The following MYZAP variants were observed in gnomAD, a reference collection of about 807,000 sequenced individuals.
MYZAP encodes the protein myocardial zonula adherens protein.
A neutral mutation model predicts 69.4 loss-of-function variants in MYZAP; 66 were observed. The observed-to-expected ratio is 0.95, with a 90% CI of 0.78 to 1.17. The LOEUF (loss-of-function observed/expected upper bound fraction) is 1.17, where lower values mean the gene tolerates loss of function less well. Ranked by LOEUF, MYZAP falls within the 50% of genes most tolerant of loss-of-function variation. The probability of loss-of-function intolerance (pLI) is 0.00; values close to 1 mark genes in which losing one functional copy is unlikely to be tolerated. For synonymous variants in MYZAP, 256 were observed against 205.9 expected, an observed-to-expected ratio of 1.24 and a Z score of -2.09; for missense variants, 611 against 556.2, an observed-to-expected ratio of 1.10 and a Z score of -0.99.
At chr15:57,628,724 G>A (rs2036306945) in intron 5 of MYZAP, among the ~76,000 whole-genome samples, 2 of 152,154 alleles carry the variant, frequency 1.3e-5, no homozygotes, top group South Asian at 4.2e-4. Flanking sequence ...AGGTATGTGA[G>A]TATTCTCAGT....
In MYZAP at chr15:57,633,523, C is replaced by T. The variant is rs769965937; in HGVS notation, c.805-90C>T. On this transcript the variant is annotated intron_variant, in intron 7 of 12. Transcript: ENST00000267853. ...CCAAGGTCATGTTTTAAAGAGAAAT[C>T]GTGATCTAGCAAGGCCTGAGCTGAT... is the stretch of plus-strand genomic sequence containing the variant. The T allele has an allele frequency of 6.1e-5, 85 of 1,402,270 alleles. No individual in the cohort carries two copies. The Admixed American group carries it at 9.0e-4, about 15-fold the overall frequency. 86.9% of individuals were successfully genotyped at this position (1,402,270 alleles called of 1,614,324 possible).
intron 3 of MYZAP, among the ~76,000 whole-genome samples, chr15:57,621,212 T>G (rs569540068): frequency 1.8e-4 from 27 of 146,718 alleles, no homozygotes; most frequent in African/African-American, 6.2e-4. Flanking sequence ...TTTCTTTTTT[T>G]TTTTTTTTTG....
chr15:57,615,205 A>G (rs1270016361), intron 2 of MYZAP, among the ~76,000 whole-genome samples: 1 of 152,272 alleles, frequency 6.6e-6, no homozygotes, highest in Non-Finnish European at 1.5e-5. Context: ...CATAAAGGAA[A>G]AAGTGAAATC....
chr15:57,614,039 T>C (rs2451188), intron 2 of MYZAP, among the ~76,000 whole-genome samples: 10,730 of 152,300 alleles, frequency 0.07, 1,034 homozygotes, highest in African/African-American at 0.22. Flanking sequence ...AGCATACTGA[T>C]ATTTTATAAA....
intron 10 of MYZAP, among the ~76,000 whole-genome samples, chr15:57,640,725 T>TA (rs781375321): frequency 1.3e-5 from 2 of 152,168 alleles, no homozygotes; most frequent in East Asian, 3.9e-4. Context: ...ACACATTAGA[T>TA]AAAAGTTTGT....
chr15:57,644,750 G>A (rs900120944), intron 10 of MYZAP, among the ~76,000 whole-genome samples: 2 of 152,194 alleles, frequency 1.3e-5, no homozygotes, highest in African/African-American at 4.8e-5. Flanking sequence ...ACAGGCGTGA[G>A]CCACTACACC....
Position 57,592,000 on chromosome 15 carries a change from C to T in MYZAP, c.-35C>T. On this transcript the variant is annotated 5_prime_UTR_variant, in exon 1 of 13. Coordinates refer to ENST00000267853, the MANE Select transcript of MYZAP (RefSeq NM_001018100.5). ...ACGCTTATTCTGCCCGGGAGGAACG[C>T]CGGCGTCCAGCCCGCTACCGACCGC... 2 of 1,416,808 alleles carry T rather than the reference C, an allele frequency of 1.4e-6. No homozygotes were observed. Among genetic ancestry groups the T allele is most frequent in the Non-Finnish European group, 1.8e-6 (2 of 1,088,276 alleles). 87.8% of individuals were successfully genotyped at this position (1,416,808 alleles called of 1,614,324 possible).
At chr15:57,635,095 T>C (rs1451504365) in intron 8 of MYZAP, among the ~76,000 whole-genome samples, 1 of 152,160 alleles carries the variant, frequency 6.6e-6, no homozygotes, top group Non-Finnish European at 1.5e-5. Context: ...CCACAGGTAG[T>C]GGTCATGAAC....
intron 2 of MYZAP, among the ~76,000 whole-genome samples, chr15:57,609,111 G>A (rs935547): frequency 0.061 from 9,259 of 152,238 alleles, 747 homozygotes; most frequent in African/African-American, 0.18. Flanking sequence ...TATATAACAT[G>A]TATGTAGGCA....
chr15:57,638,484 C>T (rs1373899512), intron 9 of MYZAP, among the ~76,000 whole-genome samples: 3 of 152,054 alleles, frequency 2.0e-5, no homozygotes, highest in Non-Finnish European at 4.4e-5. Context: ...TGAAAAAATA[C>T]CCATTTTTCC....
At chr15:57,629,986 T>TTTTTTTTTTTTTTTACA (rs2036403543) in intron 6 of MYZAP, 132 bp downstream of exon 6, 1 of 1,082,420 alleles carries the variant, frequency 9.2e-7, no homozygotes, top group African/African-American at 1.7e-5. Context: ...TTTTTTTTTT[T>TTTTTTTTTTTTTTTACA]GAGACAGAGT....
intron 10 of MYZAP, among the ~76,000 whole-genome samples, chr15:57,652,439 T>G (rs2037775483): frequency 6.6e-6 from 1 of 152,198 alleles, no homozygotes; most frequent in African/African-American, 2.4e-5. Context: ...GTGGCTTTTA[T>G]CAAAGAGAAT....
intron 10 of MYZAP, among the ~76,000 whole-genome samples, chr15:57,649,984 T>C (rs1481294161): frequency 6.6e-6 from 1 of 152,208 alleles, no homozygotes; most frequent in Non-Finnish European, 1.5e-5. Flanking sequence ...TCTATTTTGT[T>C]TGTGGTTGTA....
chr15:57,644,864 G>A (rs1262945855), intron 10 of MYZAP, among the ~76,000 whole-genome samples: 1 of 152,208 alleles, frequency 6.6e-6, no homozygotes, highest in Non-Finnish European at 1.5e-5. Flanking sequence ...TGTTACTAAG[G>A]TGGGAAGAGG....
intron 1 of MYZAP, among the ~76,000 whole-genome samples, chr15:57,595,991 C>G (rs530267142): frequency 1.1e-4 from 17 of 152,304 alleles, no homozygotes; most frequent in African/African-American, 4.1e-4. Context: ...GGGCTTAAAC[C>G]TGTGCCGGTC....
At chr15:57,652,057 A>G (rs2037754324) in intron 10 of MYZAP, among the ~76,000 whole-genome samples, 2 of 152,218 alleles carry the variant, frequency 1.3e-5, no homozygotes, top group African/African-American at 2.4e-5. Flanking sequence ...TGATTAAAAT[A>G]TGTGCCATGT....
intron 1 of MYZAP, among the ~76,000 whole-genome samples, chr15:57,599,111 G>A (rs1335166543): frequency 6.6e-6 from 1 of 152,170 alleles, no homozygotes; most frequent in South Asian, 2.1e-4. Context: ...TCCTAAGAGG[G>A]TATAGTATTG....
chr15:57,632,316 C>G, intron 6 of MYZAP, 118 bp from the exon 7 acceptor site: 1 of 1,509,402 alleles, frequency 6.6e-7, no homozygotes, highest in East Asian at 2.3e-5. Context: ...CTCTCTGCTG[C>G]AGAACCCAGT....
At chr15:57,674,765 CTG>C (rs1341584066) in intron 11 of MYZAP, among the ~76,000 whole-genome samples, 1 of 152,208 alleles carries the variant, frequency 6.6e-6, no homozygotes, top group East Asian at 1.9e-4. Flanking sequence ...ATGCACATGT[CTG>C]TACATGCATA....
Sources: allele counts gnomAD v4.1 joint callset (sites outside exome capture counted in the v4.1 genomes callset), GRCh38; gene constraint gnomAD v4.1.1; transcripts MANE v1.5; gene names NCBI Gene and HGNC (gene_info 2026-07-23, HGNC 2026-07-21).